NPAS2: variants seen among roughly 807,000 people sequenced by gnomAD.
NPAS2 encodes the protein neuronal PAS domain-containing protein 2.
NPAS2 carries 23 observed loss-of-function variants against 107.5 expected under a neutral mutation model. The observed-to-expected ratio is 0.21, with a 90% CI of 0.15 to 0.30. The LOEUF is 0.30. Ranked by LOEUF, NPAS2 falls within the 10% of genes least tolerant of loss-of-function variation. The probability of loss-of-function intolerance (pLI) is 1.00; values close to 1 mark genes in which losing one functional copy is unlikely to be tolerated. For missense variants in NPAS2, 756 were observed against 1,043.3 expected (o/e 0.72, Z 3.79); for synonymous variants, 403 against 417.5 (o/e 0.97, Z 0.42).
In NPAS2 at chr2:100,840,248, A is replaced by G. The variant is rs963935646; in HGVS notation, c.-23+19834A>G. ...ACAGAGACTCCTGCATGTCTGTTAC[A>G]TGGCAGTATCTAAATTTTACAGTTC... On this transcript the variant is annotated intron_variant, in intron 1 of 20. Coordinates refer to ENST00000335681, the MANE Select transcript of NPAS2 (RefSeq NM_002518.4). 4.6e-5 allele frequency among the ~76,000 whole-genome samples: 7 copies of G among 152,256 alleles called. No homozygotes were observed. In the East Asian group the frequency reaches 7.7e-4, roughly 17 times the overall value.
At chr2:100,841,348 G>C (rs1388894231) in intron 1 of NPAS2, among the ~76,000 whole-genome samples, 2 of 152,198 alleles carry the variant, frequency 1.3e-5, no homozygotes, top group African/African-American at 4.8e-5. Flanking sequence ...TGAGGCAGGA[G>C]AATTGCTTGA....
At chr2:100,981,283 G>A (rs1022094631) in intron 15 of NPAS2, among the ~76,000 whole-genome samples, 9 of 152,132 alleles carry the variant, frequency 5.9e-5, no homozygotes, top group African/African-American at 2.2e-4. Flanking sequence ...GAGATTGAGG[G>A]AGTGGAGGTT....
chr2:100,834,330 G>A (rs907214276), intron 1 of NPAS2, among the ~76,000 whole-genome samples: 65 of 152,062 alleles, frequency 4.3e-4, no homozygotes, highest in African/African-American at 1.5e-3. Flanking sequence ...TTATCTCTCT[G>A]TGTGCTCTCC....
rs10175736 is a variant in NPAS2 at position 100,879,259 on chromosome 2, G to C, written c.-22-25474G>C. ...TGTTATTGTATTTAGGGTTTACAACGTATTACGGGATATGTATAGACAGGA... is the reference window on the plus strand; with the variant it reads ...TGTTATTGTATTTAGGGTTTACAACCTATTACGGGATATGTATAGACAGGA... On this transcript the variant is annotated intron_variant, in intron 1 of 20. Coordinates refer to ENST00000335681, the MANE Select transcript of NPAS2 (RefSeq NM_002518.4). Among the ~76,000 whole-genome samples, 1,349 of 152,156 alleles carry C rather than the reference G, an allele frequency of 8.9e-3. 17 individuals are homozygous for C. The highest frequency in any genetic ancestry group is 0.031 in the African/African-American group (1,292 of 41,508).
chr2:100,894,833 G>T (rs902414455), intron 1 of NPAS2, among the ~76,000 whole-genome samples: 25 of 152,190 alleles, frequency 1.6e-4, no homozygotes, highest in Admixed American at 3.3e-4. Flanking sequence ...AGTCTGTGGG[G>T]ACAGCCATTT....
At position 100,926,083 on chromosome 2, in the gene NPAS2, G is replaced by T. The variant is rs528728378; in HGVS notation, c.181+789G>T. Among the ~76,000 whole-genome samples, 5 of 152,166 alleles carry T rather than the reference G, an allele frequency of 3.3e-5. No homozygotes were observed. The South Asian group carries it at 1.0e-3, about 32-fold the overall frequency. On this transcript the variant is annotated intron_variant, in intron 3 of 20. Transcript: ENST00000335681. ...CTGGCTTCTTTCACGTAGCATCTGT[G>T]TTTTAGCATGTGTGAGTACTTCATT...
intron 7 of NPAS2, among the ~76,000 whole-genome samples, chr2:100,953,569 C>T (rs1675374176): frequency 6.6e-6 from 1 of 152,166 alleles, no homozygotes; most frequent in African/African-American, 2.4e-5. Context: ...AGAGTTCAGG[C>T]TTTGCATTGA....
chr2:100,990,039 T>A, intron 17 of NPAS2: 1 of 573,422 alleles, frequency 1.7e-6, no homozygotes, highest in Non-Finnish European at 3.1e-6. Flanking sequence ...CATTTGCTAC[T>A]TGCCTGCCTA....
At chr2:100,911,844 C>G (rs899011623) in intron 2 of NPAS2, among the ~76,000 whole-genome samples, 2 of 152,172 alleles carry the variant, frequency 1.3e-5, no homozygotes, top group African/African-American at 4.8e-5. Flanking sequence ...GTTAGCCAGG[C>G]TGGTCTCAAA....
At chr2:100,927,930 A>C (rs1432530335) in intron 3 of NPAS2, among the ~76,000 whole-genome samples, 1 of 152,218 alleles carries the variant, frequency 6.6e-6, no homozygotes, top group Non-Finnish European at 1.5e-5. Flanking sequence ...GACACCAAAC[A>C]TAATAAGTCA....
intron 1 of NPAS2, among the ~76,000 whole-genome samples, chr2:100,824,384 G>A (rs1676249551): frequency 6.6e-6 from 1 of 152,210 alleles, no homozygotes; most frequent in Admixed American, 6.5e-5. Context: ...TTCATCTGAA[G>A]CTTTTCTTGG....
At chr2:100,958,265 C>G (rs1675699418) in intron 7 of NPAS2, among the ~76,000 whole-genome samples, 1 of 152,204 alleles carries the variant, frequency 6.6e-6, no homozygotes, top group African/African-American at 2.4e-5. Flanking sequence ...GCTTACAACA[C>G]TCGATTTTGT....
intron 4 of NPAS2, among the ~76,000 whole-genome samples, chr2:100,936,689 C>G (rs759397302): frequency 6.6e-6 from 1 of 152,060 alleles, no homozygotes; most frequent in Non-Finnish European, 1.5e-5. Flanking sequence ...AATCTAAAAC[C>G]AGCAAAAGTG....
Position 100,995,843 on chromosome 2 carries a change from C to T in NPAS2, c.*261C>T, listed in dbSNP as rs1210295118. The T allele has an allele frequency of 9.1e-6, 14 of 1,530,274 alleles. No individual in the cohort carries two copies. Among genetic ancestry groups the T allele is most frequent in the Admixed American group, 6.0e-5 (3 of 50,304 alleles). 94.8% of individuals were successfully genotyped at this position (1,530,274 alleles called of 1,614,324 possible). A position where few individuals can be genotyped will look rare whatever the true frequency, so the allele number is the denominator to read the frequency against. On this transcript the variant is annotated 3_prime_UTR_variant, in exon 21 of 21. Transcript: ENST00000335681. ...CATACTGGACAGGAACCAGGTGCCC[C>T]GTGTAGGCATCGTCGGTCGGTTTGC... is the stretch of plus-strand genomic sequence containing the variant.
chr2:100,961,697 A>G (rs1288190934), intron 7 of NPAS2, among the ~76,000 whole-genome samples: 2 of 152,218 alleles, frequency 1.3e-5, no homozygotes, highest in Non-Finnish European at 2.9e-5. Context: ...CTGCCCTCGA[A>G]GAAGCAACCA....
intron 6 of NPAS2, among the ~76,000 whole-genome samples, chr2:100,948,877 G>A (rs796242708): frequency 3.3e-5 from 5 of 152,312 alleles, no homozygotes; most frequent in African/African-American, 1.2e-4. Flanking sequence ...GGCTAACCTT[G>A]ATGCCTCGTG....
intron 1 of NPAS2, among the ~76,000 whole-genome samples, chr2:100,869,543 T>A (rs1679440316): frequency 6.6e-6 from 1 of 152,228 alleles, no homozygotes; most frequent in South Asian, 2.1e-4. Context: ...AATTTGGGCC[T>A]GAACCTTGTG....
At chr2:100,920,010 C>A (rs1232873504) in intron 2 of NPAS2, among the ~76,000 whole-genome samples, 1 of 152,212 alleles carries the variant, frequency 6.6e-6, no homozygotes, top group African/African-American at 2.4e-5. Flanking sequence ...TTCATTGCCG[C>A]CTCCTCCATA....
At chr2:100,915,222 A>T (rs1033758916) in intron 2 of NPAS2, among the ~76,000 whole-genome samples, 9 of 152,122 alleles carry the variant, frequency 5.9e-5, no homozygotes, top group Admixed American at 3.9e-4. Context: ...CAGAGCAGCT[A>T]CACTTCCAAG....
Sources: allele counts gnomAD v4.1 joint callset (sites outside exome capture counted in the v4.1 genomes callset), GRCh38; gene constraint gnomAD v4.1.1; transcripts MANE v1.5; gene names NCBI Gene and HGNC (gene_info 2026-07-23, HGNC 2026-07-21).